The following MAP2K4 variants were observed in gnomAD, a reference collection of about 807,000 sequenced individuals.
MAP2K4 encodes mitogen-activated protein kinase kinase 4, also known as dual specificity mitogen-activated protein kinase kinase 4.
Under a neutral mutation model 48.5 loss-of-function variants are expected in MAP2K4, and 4 were observed. The observed-to-expected ratio is 0.08, with a 90% CI of 0.04 to 0.19. The LOEUF (loss-of-function observed/expected upper bound fraction) is 0.19. Ranked by LOEUF, MAP2K4 falls within the 10% of genes least tolerant of loss-of-function variation. The pLI, the probability that MAP2K4 is intolerant of heterozygous loss-of-function variation, is 1.00. For missense variants in MAP2K4, 258 were observed against 493.3 expected, an observed-to-expected ratio of 0.52 and a Z score of 4.52; for synonymous variants, 166 against 173.1, an observed-to-expected ratio of 0.96 and a Z score of 0.32.
At chr17:12,079,938 G>C (rs1331604021) in intron 2 of MAP2K4, among the ~76,000 whole-genome samples, 9 of 152,158 alleles carry the variant, frequency 5.9e-5, no homozygotes, top group Admixed American at 5.9e-4. Flanking sequence ...CTGGATGCTA[G>C]AGTATCAAAT....
intron 7 of MAP2K4, among the ~76,000 whole-genome samples, chr17:12,118,947 C>T (rs1972587568): frequency 6.6e-6 from 1 of 152,150 alleles, no homozygotes; most frequent in African/African-American, 2.4e-5. Context: ...GATATCTGAC[C>T]TCCTTTTATA....
At chr17:12,082,687 G>C (rs1293416954) in intron 3 of MAP2K4, among the ~76,000 whole-genome samples, 1 of 152,162 alleles carries the variant, frequency 6.6e-6, no homozygotes, top group Admixed American at 6.5e-5. Context: ...TAAATTAGTG[G>C]TAGGGAAAAT....
At chr17:12,121,469 G>A (rs559582382) in intron 7 of MAP2K4, among the ~76,000 whole-genome samples, 1 of 151,938 alleles carries the variant, frequency 6.6e-6, no homozygotes, top group South Asian at 2.1e-4. Flanking sequence ...CAGCTACTCA[G>A]GAGGCTGAGG....
rs1247752796 is a variant in MAP2K4, at chr17:12,113,181, T to G, written c.686-52T>G. The G allele has an allele frequency of 2.5e-6, 4 of 1,570,920 alleles. No individual in the cohort carries two copies. In the Admixed American group the frequency reaches 6.8e-5, roughly 27 times the overall value. On this transcript the variant is annotated intron_variant, in intron 6 of 10. Transcript: ENST00000353533. ...TATTTTTGCTTAAAGTGAAGCCTTATGTAACTTAGGAAGAAGCTAATTGTA... is the reference window on the plus strand; with the variant it reads ...TATTTTTGCTTAAAGTGAAGCCTTAGGTAACTTAGGAAGAAGCTAATTGTA...
chr17:12,068,357 G>A (rs988234971), intron 2 of MAP2K4, among the ~76,000 whole-genome samples: 2 of 152,144 alleles, frequency 1.3e-5, no homozygotes, highest in African/African-American at 4.8e-5. Context: ...TCTGGCTGCC[G>A]TGTGGACTAT....
intron 8 of MAP2K4, 115 bp from the exon 9 acceptor site, chr17:12,129,024 A>T: frequency 1.1e-6 from 1 of 890,838 alleles, no homozygotes; most frequent in Non-Finnish European, 1.7e-6. Context: ...ACCTGTGTTT[A>T]ATTCAAGGCT....
At chr17:12,107,589 T>A (rs1250876693) in intron 4 of MAP2K4, among the ~76,000 whole-genome samples, 2 of 151,998 alleles carry the variant, frequency 1.3e-5, no homozygotes, top group Non-Finnish European at 2.9e-5. Flanking sequence ...TGGGGAAAAT[T>A]GGCTTTAACT....
At chr17:12,066,359 A>G (rs538168225) in intron 2 of MAP2K4, among the ~76,000 whole-genome samples, 137 of 152,290 alleles carry the variant, frequency 9.0e-4, no homozygotes, top group African/African-American at 3.1e-3. Flanking sequence ...CTTGCAGAAA[A>G]GCTTATTATA....
intron 1 of MAP2K4, 96 bp downstream of exon 1, chr17:12,021,097 G>A (rs1048608242): frequency 1.4e-6 from 1 of 708,264 alleles, no homozygotes; most frequent in African/African-American, 1.9e-5. Flanking sequence ...CCCGGCTGAG[G>A]AAGCCACGGC....
intron 1 of MAP2K4, among the ~76,000 whole-genome samples, chr17:12,042,643 A>AAAAC (rs71142263): frequency 0.89 from 134,745 of 151,300 alleles, 62,085 homozygotes; most frequent in East Asian, 1. Flanking sequence ...CTTCTGTCAG[A>AAAAC]AAACAAACAA....
chr17:12,065,830 C>A (rs545119512), intron 2 of MAP2K4, among the ~76,000 whole-genome samples: 2 of 152,260 alleles, frequency 1.3e-5, no homozygotes, highest in South Asian at 4.2e-4. Context: ...TGTATTTCGA[C>A]AATTTAGATG....
chr17:12,095,762 C>T (rs1000736370), intron 4 of MAP2K4, 68 bp downstream of exon 4: 21 of 1,519,002 alleles, frequency 1.4e-5, no homozygotes, highest in South Asian at 2.3e-5. Flanking sequence ...TGGCAGGATT[C>T]GATTCTATTC....
chr17:12,141,065 C>T (rs961432293), intron 10 of MAP2K4, 82 bp from the exon 11 acceptor site: 1 of 824,082 alleles, frequency 1.2e-6, no homozygotes, highest in Non-Finnish European at 2.1e-6. Context: ...GCCTGGAGTT[C>T]TATGTTCTAT....
chr17:12,073,687 A>T (rs947815567), intron 2 of MAP2K4, among the ~76,000 whole-genome samples: 7 of 152,132 alleles, frequency 4.6e-5, no homozygotes, highest in Non-Finnish European at 1.0e-4. Context: ...CTAGGTTTTG[A>T]CATATGTGTA....
chr17:12,064,961 G>A (rs532023421), intron 2 of MAP2K4, among the ~76,000 whole-genome samples: 7 of 152,142 alleles, frequency 4.6e-5, no homozygotes, highest in Admixed American at 6.5e-5. Context: ...ACACAAAAGA[G>A]AACATACTGA....
At chr17:12,128,223 G>A (rs956287100) in intron 8 of MAP2K4, among the ~76,000 whole-genome samples, 4 of 152,076 alleles carry the variant, frequency 2.6e-5, no homozygotes, top group African/African-American at 7.2e-5. Context: ...GACTACAGGC[G>A]CCTGCCACCA....
At chr17:12,071,649 A>G (rs910378387) in intron 2 of MAP2K4, among the ~76,000 whole-genome samples, 3 of 152,226 alleles carry the variant, frequency 2.0e-5, no homozygotes, top group South Asian at 2.1e-4. Flanking sequence ...CACAAAAACA[A>G]AAATCACAGT....
chr17:12,062,035 GT>G (rs1970465194), intron 2 of MAP2K4, among the ~76,000 whole-genome samples: 1 of 151,276 alleles, frequency 6.6e-6, no homozygotes, highest in African/African-American at 2.4e-5. Context: ...AAATACATCA[GT>G]TGGTCACTCA....
At chr17:12,105,292 T>C (rs1972071898) in intron 4 of MAP2K4, among the ~76,000 whole-genome samples, 1 of 152,200 alleles carries the variant, frequency 6.6e-6, no homozygotes, top group African/African-American at 2.4e-5. Context: ...TTCACATTTG[T>C]AATCATGGTC....
Sources: allele counts gnomAD v4.1 joint callset (sites outside exome capture counted in the v4.1 genomes callset), GRCh38; gene constraint gnomAD v4.1.1; transcripts MANE v1.5; gene names NCBI Gene and HGNC (gene_info 2026-07-23, HGNC 2026-07-21).